Variants in ERBB4 observed in about 807,000 individuals in gnomAD.
ERBB4 encodes the protein receptor tyrosine-protein kinase erbB-4.
Under a neutral mutation model 158.0 loss-of-function variants are expected in ERBB4, and 42 were observed. The observed-to-expected ratio is 0.27, with a 90% confidence interval of 0.21 to 0.34. The LOEUF is 0.34. Among genes scored for constraint, ERBB4 ranks in the 10% least tolerant of loss-of-function variants. ERBB4 has a pLI of 1.00. For synonymous variants in ERBB4, 583 were observed against 558.7 expected, an observed-to-expected ratio of 1.04 and a Z score of -0.61; for missense variants, 1,333 against 1,624.1, an observed-to-expected ratio of 0.82 and a Z score of 3.08.
rs1008502686 is a variant in ERBB4 at position 212,047,595 on chromosome 2, C to T, written c.234+77157G>A. Among the ~76,000 whole-genome samples, 7 of 151,554 alleles carry T rather than the reference C, an allele frequency of 4.6e-5. No homozygotes were observed. The South Asian group carries it at 8.3e-4, about 18-fold the overall frequency. On this transcript the variant is annotated intron_variant, in intron 2 of 27. Coordinates refer to ENST00000342788, the MANE Select transcript of ERBB4 (RefSeq NM_005235.3). ...TCAAGCAATTCTCCTGTCTTAGCTT[C>T]GCAAGTAGTTGGGACTACAGGTACC... is the stretch of plus-strand genomic sequence containing the variant.
chr2:212,219,430 CA>C, intron 1 of ERBB4, among the ~76,000 whole-genome samples: 1 of 151,280 alleles, frequency 6.6e-6, no homozygotes, highest in Middle Eastern at 3.4e-3. Flanking sequence ...TAAATTATAA[CA>C]TTTTTCTATA....
chr2:211,764,594 T>C (rs1157566488), intron 4 of ERBB4, among the ~76,000 whole-genome samples: 1 of 152,158 alleles, frequency 6.6e-6, no homozygotes, highest in African/African-American at 2.4e-5. Context: ...GCCAGAGAAA[T>C]TTAATAACTT....
intron 1 of ERBB4, among the ~76,000 whole-genome samples, chr2:212,130,494 A>C (rs1319403134): frequency 6.6e-6 from 1 of 152,146 alleles, no homozygotes; most frequent in African/African-American, 2.4e-5. Context: ...GATTAATTTG[A>C]TTCATGGGGA....
intron 2 of ERBB4, among the ~76,000 whole-genome samples, chr2:211,948,335 C>T (rs2080762863): frequency 1.4e-5 from 2 of 143,594 alleles, no homozygotes; most frequent in Admixed American, 1.5e-4. Flanking sequence ...ACTTGGGAGG[C>T]TGAGGCAGGA....
intron 3 of ERBB4, among the ~76,000 whole-genome samples, chr2:211,836,963 T>C (rs2077357255): frequency 6.6e-6 from 1 of 152,024 alleles, no homozygotes; most frequent in African/African-American, 2.4e-5. Flanking sequence ...TAAAATATTG[T>C]TCCATCTCTA....
intron 19 of ERBB4, among the ~76,000 whole-genome samples, chr2:211,567,243 T>G (rs1380232801): frequency 6.6e-6 from 1 of 152,156 alleles, no homozygotes; most frequent in African/African-American, 2.4e-5. Context: ...GTTACGACAG[T>G]AGAAATATCA....
chr2:212,431,625 G>A (rs1300529378), intron 1 of ERBB4, among the ~76,000 whole-genome samples: 1 of 152,124 alleles, frequency 6.6e-6, no homozygotes, highest in East Asian at 1.9e-4. Context: ...CTATGTCTGA[G>A]AATAAAAGCC....
At chr2:212,127,676 T>C (rs1345353650) in intron 1 of ERBB4, among the ~76,000 whole-genome samples, 2 of 152,172 alleles carry the variant, frequency 1.3e-5, no homozygotes, top group African/African-American at 4.8e-5. Flanking sequence ...CCAAGACAAT[T>C]CTTTTTTCGA....
intron 20 of ERBB4, among the ~76,000 whole-genome samples, chr2:211,493,371 C>G (rs977936352): frequency 6.6e-6 from 1 of 152,042 alleles, no homozygotes; most frequent in African/African-American, 2.4e-5. Flanking sequence ...TTTCACTACC[C>G]TATTTCCTTT....
At chr2:212,044,939 A>ACT (rs2077224233) in intron 2 of ERBB4, among the ~76,000 whole-genome samples, 2 of 152,098 alleles carry the variant, frequency 1.3e-5, no homozygotes, top group African/African-American at 4.8e-5. Context: ...GTCTGGCAGC[A>ACT]ATAGGCTCAA....
rs545661192 is a variant in ERBB4 at position 211,548,948 on chromosome 2, T to C, written c.2487+12955A>G. 4.6e-5 allele frequency among the ~76,000 whole-genome samples: 7 copies of C among 152,248 alleles called. 1 individual carries two copies. The highest frequency in any genetic ancestry group is 1.7e-4 in the African/African-American group (7 of 41,570). ...CCTGCACCAACATTTCAATAGACTC[T>C]GCTAATCATTTTTAAAGATTCACCA... On this transcript the variant is annotated intron_variant, in intron 20 of 27. Coordinates refer to ENST00000342788, the MANE Select transcript of ERBB4 (RefSeq NM_005235.3).
chr2:211,887,318 ATTAG>A (rs1295917963), intron 3 of ERBB4, among the ~76,000 whole-genome samples: 4 of 152,146 alleles, frequency 2.6e-5, no homozygotes, highest in South Asian at 2.1e-4. Flanking sequence ...ACAAGTAGTG[ATTAG>A]TTAATGACTC....
chr2:211,615,778 A>AT (rs1303434847), intron 19 of ERBB4, among the ~76,000 whole-genome samples: 2 of 152,076 alleles, frequency 1.3e-5, no homozygotes, highest in Admixed American at 1.3e-4. Flanking sequence ...CATTTGTGTT[A>AT]TTTATTATAA....
At chr2:211,626,477 A>G (rs1347977009) in intron 17 of ERBB4, among the ~76,000 whole-genome samples, 1 of 152,220 alleles carries the variant, frequency 6.6e-6, no homozygotes, top group Non-Finnish European at 1.5e-5. Flanking sequence ...TAAATTGACT[A>G]TCTTAAAAAT....
chr2:212,368,699 G>T (rs1343612765), intron 1 of ERBB4, among the ~76,000 whole-genome samples: 8 of 152,008 alleles, frequency 5.3e-5, no homozygotes, highest in African/African-American at 1.9e-4. Flanking sequence ...AAATGATCAA[G>T]CTAGGCTAGC....
At chr2:211,387,272 T>C in intron 26 of ERBB4, 122 bp from the exon 27 acceptor site, 2 of 862,552 alleles carry the variant, frequency 2.3e-6, no homozygotes, top group Non-Finnish European at 3.9e-6. Context: ...TATTTACTGG[T>C]TTTTTTTCCC....
At position 211,431,070 on chromosome 2, in the gene ERBB4, C is replaced by A; in HGVS notation, c.2518G>T (p.Val840Phe). 1.2e-6 allele frequency: 2 copies of A among 1,613,812 alleles called. No individual in the cohort carries two copies. The highest frequency in any genetic ancestry group is 2.2e-5 in the South Asian group (2 of 91,064). Residue 840 changes from valine to phenylalanine, a missense_variant, in exon 21 of 28, where the codon GTT (valine) becomes TTT (phenylalanine). Physicochemically the swap from Val to Phe is conservative, Grantham distance 50. Around this residue, in one of 5 missense-constraint regions of ERBB4, gnomAD observed 314 missense variants for 437.6 expected, o/e 0.72. Transcript: ENST00000342788. ...TTACGGGCTGCCAAATCCCGATGAA[C>A]GAGTCGTCTTTCTTCCAGGTACATC... ...GMMYLEERRLVHRDLAARNVL... is the reference protein window; with the variant it reads ...GMMYLEERRLFHRDLAARNVL...
intron 20 of ERBB4, among the ~76,000 whole-genome samples, chr2:211,539,284 A>G (rs1410547488): frequency 6.6e-6 from 1 of 151,916 alleles, no homozygotes; most frequent in Non-Finnish European, 1.5e-5. Flanking sequence ...TAGTACCAAG[A>G]CAGAATTGAA....
chr2:212,371,435 T>C (rs1480885375), intron 1 of ERBB4, among the ~76,000 whole-genome samples: 1 of 152,252 alleles, frequency 6.6e-6, no homozygotes, highest in Non-Finnish European at 1.5e-5. Flanking sequence ...AAAATGTGCA[T>C]GCTTGTTTCC....
Sources: gnomAD v4.1 joint callset for allele counts (sites outside exome capture counted in the v4.1 genomes callset) on GRCh38, gnomAD v4.1.1 for gene constraint, gnomAD v4.1.1 regional missense constraint, MANE v1.5 for transcripts, NCBI Gene and HGNC (gene_info 2026-07-23, HGNC 2026-07-21) for gene names.